The following TOX variants were observed in gnomAD, a reference collection of about 807,000 sequenced individuals.
TOX encodes the protein thymocyte selection-associated high mobility group box protein TOX.
TOX carries 11 observed loss-of-function variants against 53.7 expected under a neutral mutation model. The ratio of observed to expected loss-of-function variants is 0.20; its 90% CI spans 0.13 to 0.34. TOX has a LOEUF of 0.34. Ranked by LOEUF, TOX falls within the 10% of genes least tolerant of loss-of-function variation. The pLI is 1.00. For missense variants in TOX, 570 were observed against 664.6 expected (o/e 0.86, Z 1.56); for synonymous variants, 225 against 245.3 (o/e 0.92, Z 0.77).
At chr8:58,922,320 CATG>C (rs1165361216) in intron 3 of TOX, among the ~76,000 whole-genome samples, 1 of 152,142 alleles carries the variant, frequency 6.6e-6, no homozygotes, top group African/African-American at 2.4e-5. Flanking sequence ...ATATTTTAAT[CATG>C]ATAAGTTAGA....
At chr8:59,061,613 G>T (rs1019311430) in intron 1 of TOX, among the ~76,000 whole-genome samples, 1 of 151,998 alleles carries the variant, frequency 6.6e-6, no homozygotes, top group African/African-American at 2.4e-5. Context: ...TGGCTGTAAA[G>T]ATCCTTAACC....
chr8:59,065,184 T>A (rs975538848), intron 1 of TOX, among the ~76,000 whole-genome samples: 3 of 152,218 alleles, frequency 2.0e-5, no homozygotes, highest in African/African-American at 7.2e-5. Flanking sequence ...TCATTTTAAT[T>A]AAATTACATT....
intron 1 of TOX, among the ~76,000 whole-genome samples, chr8:59,049,986 G>T (rs1803759706): frequency 6.6e-6 from 1 of 152,004 alleles, no homozygotes; most frequent in Admixed American, 6.6e-5. Context: ...ACTAATAAAA[G>T]CAATAAAACA....
intron 2 of TOX, among the ~76,000 whole-genome samples, chr8:58,948,865 A>G (rs1205528144): frequency 6.6e-6 from 1 of 152,176 alleles, no homozygotes; most frequent in African/African-American, 2.4e-5. Flanking sequence ...ATCACCTTTA[A>G]TCCAACCACT....
intron 3 of TOX, among the ~76,000 whole-genome samples, chr8:58,864,167 T>C (rs1031779324): frequency 2.6e-5 from 4 of 152,130 alleles, no homozygotes; most frequent in Non-Finnish European, 5.9e-5. Context: ...TGGCCTTTCA[T>C]CCAATGATAA....
intron 1 of TOX, among the ~76,000 whole-genome samples, chr8:59,037,479 A>G (rs949656254): frequency 6.6e-6 from 1 of 152,140 alleles, no homozygotes; most frequent in African/African-American, 2.4e-5. Flanking sequence ...AAAACAAAAT[A>G]AAACTGCTTT....
At chr8:58,891,677 T>C (rs1811563375) in intron 3 of TOX, among the ~76,000 whole-genome samples, 1 of 152,240 alleles carries the variant, frequency 6.6e-6, no homozygotes, top group South Asian at 2.1e-4. Flanking sequence ...CTCTGATTTC[T>C]TCATGAAATG....
At chr8:58,915,983 G>A (rs1258384510) in intron 3 of TOX, among the ~76,000 whole-genome samples, 5 of 60,072 alleles carry the variant, frequency 8.3e-5, no homozygotes, top group Non-Finnish European at 3.3e-5. Flanking sequence ...GAAATGAAGC[G>A]AGAAGGGAAG....
chr8:58,849,542 G>T (rs1810773124), intron 4 of TOX, among the ~76,000 whole-genome samples: 1 of 152,136 alleles, frequency 6.6e-6, no homozygotes, highest in Non-Finnish European at 1.5e-5. Context: ...GACCTAACAG[G>T]TTAATAGCAA....
chr8:58,915,392 C>A (rs1252974559), intron 3 of TOX, among the ~76,000 whole-genome samples: 9 of 89,758 alleles, frequency 1.0e-4, no homozygotes, highest in African/African-American at 3.3e-4. Flanking sequence ...GGGTCCCTGA[C>A]CCCTGACCCC....
chr8:58,809,097 T>A (rs930374795), intron 7 of TOX, among the ~76,000 whole-genome samples: 1 of 152,240 alleles, frequency 6.6e-6, no homozygotes, highest in Non-Finnish European at 1.5e-5. Context: ...CATTCTATAC[T>A]AAGATTTATT....
intron 1 of TOX, among the ~76,000 whole-genome samples, chr8:59,052,788 C>T (rs770322365): frequency 2.0e-5 from 3 of 152,104 alleles, no homozygotes; most frequent in Non-Finnish European, 4.4e-5. Context: ...TAATAATATA[C>T]CTCTCAAAGT....
chr8:58,986,709 A>C (rs1229917138), intron 1 of TOX, among the ~76,000 whole-genome samples: 2 of 152,224 alleles, frequency 1.3e-5, no homozygotes, highest in African/African-American at 2.4e-5. Flanking sequence ...ATCAGAGTTC[A>C]AGTCTGGGCT....
chr8:59,098,062 TA>T (rs1334550698), intron 1 of TOX, among the ~76,000 whole-genome samples: 5,930 of 147,662 alleles, frequency 0.04, 351 homozygotes, highest in African/African-American at 0.14. Context: ...CAACTCATGT[TA>T]AAAAAAAAAA....
intron 4 of TOX, among the ~76,000 whole-genome samples, chr8:58,841,491 A>C (rs903721932): frequency 1.3e-5 from 2 of 152,246 alleles, no homozygotes; most frequent in Non-Finnish European, 2.9e-5. Context: ...AGGAGACAAA[A>C]GGAGTCAACA....
intron 3 of TOX, among the ~76,000 whole-genome samples, chr8:58,937,819 G>T (rs1268066982): frequency 6.6e-6 from 1 of 152,106 alleles, no homozygotes; most frequent in Non-Finnish European, 1.5e-5. Flanking sequence ...GGGAACAGGG[G>T]TCCCTACAGA....
intron 1 of TOX, among the ~76,000 whole-genome samples, chr8:59,052,883 T>C (rs922921967): frequency 6.6e-6 from 1 of 152,216 alleles, no homozygotes; most frequent in Non-Finnish European, 1.5e-5. Context: ...AAAATTTTAA[T>C]GTGCCCTACT....
chr8:58,894,433 G>A (rs909476265), intron 3 of TOX, among the ~76,000 whole-genome samples: 2 of 152,208 alleles, frequency 1.3e-5, no homozygotes, highest in African/African-American at 4.8e-5. Context: ...CTTCATGTGT[G>A]GGGCTTGCCC....
At chr8:59,065,338 G>T (rs746260887) in intron 1 of TOX, among the ~76,000 whole-genome samples, 24 of 152,134 alleles carry the variant, frequency 1.6e-4, no homozygotes, top group Non-Finnish European at 2.2e-4. Context: ...GACTAATTTG[G>T]ATTACAATTG....
Sources: gnomAD v4.1 joint callset for allele counts (sites outside exome capture counted in the v4.1 genomes callset) on GRCh38, gnomAD v4.1.1 for gene constraint, MANE v1.5 for transcripts, NCBI Gene and HGNC (gene_info 2026-07-23, HGNC 2026-07-21) for gene names.